Variants in IL1RAPL1 observed in about 807,000 individuals in gnomAD.
IL1RAPL1 encodes interleukin-1 receptor accessory protein-like 1.
In IL1RAPL1, 3 loss-of-function variants were observed where a neutral mutation model predicts 48.4. The ratio of observed to expected loss-of-function variants is 0.06; its 90% CI spans 0.03 to 0.16. IL1RAPL1 has a LOEUF of 0.16. Among genes scored for constraint, IL1RAPL1 ranks in the 10% least tolerant of loss-of-function variants. The probability of loss-of-function intolerance (pLI) is 1.00; values close to 1 mark genes in which losing one functional copy is unlikely to be tolerated. For synonymous variants in IL1RAPL1, 185 were observed against 187.7 expected (o/e 0.99, Z 0.12); for missense variants, 349 against 530.6 (o/e 0.66, Z 3.36).
chrX:29,222,356 C>T (rs1930999110), intron 2 of IL1RAPL1, among the ~76,000 whole-genome samples: 1 of 111,626 alleles, frequency 9.0e-6, no homozygotes, highest in Non-Finnish European at 1.9e-5. Context: ...TTTCCAGCTT[C>T]CTAGGATTCT....
Position 29,304,219 on chromosome X carries a change from TGA to T in IL1RAPL1, c.362+21004_362+21005del, listed in dbSNP as rs776428258. Among the ~76,000 whole-genome samples, 6 of 111,266 alleles carry T rather than the reference TGA, an allele frequency of 5.4e-5. No homozygotes were observed. The East Asian group carries it at 1.7e-3, about 31-fold the overall frequency. On this transcript the variant is annotated intron_variant, in intron 3 of 10. Coordinates refer to ENST00000378993, the MANE Select transcript of IL1RAPL1 (RefSeq NM_014271.4). ...CCTTGAGTCTCATCCAGAAGTCAGA[TGA>T]GTGTTAGATTTCTTCCTTCTCTTGG...
chrX:29,526,041 A>G, intron 5 of IL1RAPL1, among the ~76,000 whole-genome samples: 1 of 112,220 alleles, frequency 8.9e-6, no homozygotes, highest in East Asian at 2.8e-4. Flanking sequence ...AATGAATGAA[A>G]GAAATACCAA....
At chrX:28,857,771 A>G (rs1363575319) in intron 2 of IL1RAPL1, among the ~76,000 whole-genome samples, 2 of 111,909 alleles carry the variant, frequency 1.8e-5, no homozygotes, top group African/African-American at 3.2e-5. Flanking sequence ...TAATGTTTTC[A>G]TGCTTACTAA....
rs151074460 is a variant in IL1RAPL1, at chrX:29,123,522, A to G, written c.83-159416A>G. Reference sequence around the variant, plus strand: ...TGGCATTATGACGAAATCTGTAGTAAACTGTGGGCAATGTATATGGATATG... The same window carrying G: ...TGGCATTATGACGAAATCTGTAGTAGACTGTGGGCAATGTATATGGATATG... On this transcript the variant is annotated intron_variant, in intron 2 of 10. Transcript: ENST00000378993. Among the ~76,000 whole-genome samples the G allele has an allele frequency of 4.1e-3, 457 of 112,275 alleles. 2 individuals carry two copies. Among genetic ancestry groups the G allele is most frequent in the African/African-American group, 0.013 (418 of 30,970 alleles).
intron 2 of IL1RAPL1, among the ~76,000 whole-genome samples, chrX:28,882,265 G>T (rs1478182969): frequency 9.0e-6 from 1 of 111,248 alleles, no homozygotes; most frequent in Non-Finnish European, 1.9e-5. Flanking sequence ...TTGCAGACCG[G>T]AAGGGAGTGG....
rs779069436 is a variant in IL1RAPL1, at chrX:29,714,888, TCTC to T, written c.778+46388_778+46390del. Reference sequence around the variant, plus strand: ...AGAGCTCTGCTTTGATTCTCAGCCTTCTCCTCTGTTCATTTCAAAAACAGGGAA... The same window carrying T: ...AGAGCTCTGCTTTGATTCTCAGCCTTCTCTGTTCATTTCAAAAACAGGGAA... On this transcript the variant is annotated intron_variant, in intron 6 of 10. Coordinates refer to ENST00000378993, the MANE Select transcript of IL1RAPL1 (RefSeq NM_014271.4). 1.8e-3 allele frequency among the ~76,000 whole-genome samples: 202 copies of T among 111,829 alleles called. No homozygotes were observed. In the Middle Eastern group the frequency reaches 0.018, roughly 10 times the overall value.
intron 2 of IL1RAPL1, among the ~76,000 whole-genome samples, chrX:29,253,334 A>C (rs962295884): frequency 2.7e-5 from 3 of 111,180 alleles, no homozygotes; most frequent in Admixed American, 9.7e-5. Flanking sequence ...GTGTAAAGTA[A>C]TGCAATAGTA....
chrX:28,897,529 T>C (rs1439646927), intron 2 of IL1RAPL1, among the ~76,000 whole-genome samples: 1 of 110,457 alleles, frequency 9.1e-6, no homozygotes, highest in Non-Finnish European at 1.9e-5. Flanking sequence ...GTGAGAGAGG[T>C]TGGAGAAGAG....
At chrX:29,742,583 A>C (rs1487517826) in intron 6 of IL1RAPL1, among the ~76,000 whole-genome samples, 1 of 111,303 alleles carries the variant, frequency 9.0e-6, no homozygotes, top group Non-Finnish European at 1.9e-5. Context: ...ACAAATAAAC[A>C]AAAAAACCTC....
rs758737454 is a variant in IL1RAPL1 at position 29,001,897 on chromosome X, C to CTTT, written c.82+212489_82+212491dup. On this transcript the variant is annotated intron_variant, in intron 2 of 10. Coordinates refer to ENST00000378993, the MANE Select transcript of IL1RAPL1 (RefSeq NM_014271.4). ...TGTGGTAAATTCACACAATGAAGAA[C>CTTT]TTTTTTTTTTTTTTTTTTTAACGGA... Among the ~76,000 whole-genome samples the CTTT allele has an allele frequency of 5.1e-3, 456 of 90,126 alleles. 5 individuals are homozygous for CTTT. Among genetic ancestry groups the CTTT allele is most frequent in the African/African-American group, 0.017 (418 of 24,773 alleles). 78.3% of individuals were successfully genotyped at this position (90,126 alleles called of 115,157 possible). A position where few individuals can be genotyped will look rare whatever the true frequency, so the allele number is the denominator to read the frequency against.
intron 5 of IL1RAPL1, among the ~76,000 whole-genome samples, chrX:29,447,402 G>C (rs1172876394): frequency 9.0e-6 from 1 of 111,030 alleles, no homozygotes; most frequent in Admixed American, 9.6e-5. Flanking sequence ...TCTGAAGAGG[G>C]ACATGAATTT....
intron 2 of IL1RAPL1, among the ~76,000 whole-genome samples, chrX:29,060,303 C>A (rs978489683): frequency 9.0e-6 from 1 of 111,642 alleles, no homozygotes; most frequent in African/African-American, 3.2e-5. Flanking sequence ...CATTTTAGGG[C>A]TGATTCTTAC....
intron 2 of IL1RAPL1, among the ~76,000 whole-genome samples, chrX:29,205,331 C>T (rs1019284314): frequency 1.9e-4 from 21 of 111,777 alleles, no homozygotes; most frequent in African/African-American, 5.5e-4. Context: ...TTCAAACATT[C>T]GAATTAAAGA....
At chrX:29,484,081 T>C (rs1184481185) in intron 5 of IL1RAPL1, among the ~76,000 whole-genome samples, 10 of 110,167 alleles carry the variant, frequency 9.1e-5, no homozygotes, top group Admixed American at 6.8e-4. Flanking sequence ...GGATAAAATA[T>C]ACTTGTTTCT....
At position 29,890,458 on chromosome X, in the gene IL1RAPL1, A is replaced by G. The variant is rs184804364; in HGVS notation, c.779-27006A>G. Reference sequence around the variant, plus strand: ...AGTGAAGAACTTTTTGAATAAGGCAATTCTTACTCTGGAAGGACTAACGAA... The same window carrying G: ...AGTGAAGAACTTTTTGAATAAGGCAGTTCTTACTCTGGAAGGACTAACGAA... On this transcript the variant is annotated intron_variant, in intron 6 of 10. Coordinates refer to ENST00000378993, the MANE Select transcript of IL1RAPL1 (RefSeq NM_014271.4). Among the ~76,000 whole-genome samples, 16 of 112,064 alleles carry G rather than the reference A, an allele frequency of 1.4e-4. No individual in the cohort carries two copies. The East Asian group carries it at 3.3e-3, about 23-fold the overall frequency.
intron 5 of IL1RAPL1, among the ~76,000 whole-genome samples, chrX:29,603,623 A>G (rs1923798676): frequency 8.9e-6 from 1 of 111,997 alleles, no homozygotes. Flanking sequence ...ACATTTGTAG[A>G]GAAGTTTTCA....
intron 2 of IL1RAPL1, among the ~76,000 whole-genome samples, chrX:29,217,989 A>G (rs956066187): frequency 8.9e-6 from 1 of 111,817 alleles, no homozygotes; most frequent in Non-Finnish European, 1.9e-5. Flanking sequence ...GATATTACTT[A>G]CTATTCATTA....
At position 28,915,913 on chromosome X, in the gene IL1RAPL1, A is replaced by G. The variant is rs141699509; in HGVS notation, c.82+126488A>G. On this transcript the variant is annotated intron_variant, in intron 2 of 10. Transcript: ENST00000378993. ...TTCTAAATAGTGAAAAAGAAAAAAC[A>G]AATATATCTATCTATCTATATATGT... Among the ~76,000 whole-genome samples, 534 of 109,628 alleles carry G rather than the reference A, an allele frequency of 4.9e-3. 4 individuals carry two copies. Among genetic ancestry groups the G allele is most frequent in the African/African-American group, 0.017 (499 of 29,901 alleles).
chrX:29,539,360 T>C (rs1921355183), intron 5 of IL1RAPL1, among the ~76,000 whole-genome samples: 2 of 111,614 alleles, frequency 1.8e-5, no homozygotes, highest in African/African-American at 6.5e-5. Context: ...AAACCCAATA[T>C]TGCTTCACGT....
Sources: allele counts gnomAD v4.1 joint callset (sites outside exome capture counted in the v4.1 genomes callset), GRCh38; gene constraint gnomAD v4.1.1; transcripts MANE v1.5; gene names NCBI Gene and HGNC (gene_info 2026-07-23, HGNC 2026-07-21).